NCKAP5: variants seen among roughly 807,000 people sequenced by gnomAD.
NCKAP5 encodes NCK associated protein 5.
Under a neutral mutation model 167.0 loss-of-function variants are expected in NCKAP5, and 92 were observed. That is an observed-to-expected ratio of 0.55 (90% CI 0.47 to 0.66). The LOEUF is 0.66. Among genes scored for constraint, NCKAP5 ranks in the 30% least tolerant of loss-of-function variants. The pLI is 0.00. For missense variants in NCKAP5, 2,378 were observed against 2,315.0 expected (o/e 1.03, Z -0.56); for synonymous variants, 891 against 877.4 (o/e 1.02, Z -0.27).
intron 2 of NCKAP5, among the ~76,000 whole-genome samples, chr2:133,545,662 CACTA>C (rs987494953): frequency 1.4e-4 from 21 of 152,066 alleles, no homozygotes; most frequent in Non-Finnish European, 1.8e-4. Context: ...CATTGGCACT[CACTA>C]ACTATGTATC....
intron 7 of NCKAP5, among the ~76,000 whole-genome samples, chr2:132,992,134 C>T (rs4953867): frequency 0.13 from 19,971 of 152,074 alleles, 2,494 homozygotes; most frequent in African/African-American, 0.32. Flanking sequence ...TCCCATTTTA[C>T]AGATAAGGAG....
At chr2:132,889,427 C>T (rs1328833358) in intron 8 of NCKAP5, among the ~76,000 whole-genome samples, 4 of 151,962 alleles carry the variant, frequency 2.6e-5, no homozygotes, top group Non-Finnish European at 5.9e-5. Context: ...AGGAGCTATG[C>T]TGGGGGAAAA....
At chr2:132,965,904 T>TTG (rs60589235) in intron 7 of NCKAP5, among the ~76,000 whole-genome samples, 17,932 of 140,864 alleles carry the variant, frequency 0.13, 1,356 homozygotes, top group Admixed American at 0.23. Context: ...ACATGACTCT[T>TTG]TGTGTGTGTG....
At chr2:133,616,331 A>G in the NCKAP5 span, among the ~76,000 whole-genome samples, 3 of 151,846 alleles carry the variant, frequency 2.0e-5, no homozygotes, top group Non-Finnish European at 4.4e-5. Context: ...TAGAGACACA[A>G]AAAACCCTTC....
chr2:133,354,696 A>C (rs548357606), intron 3 of NCKAP5, among the ~76,000 whole-genome samples: 1 of 152,340 alleles, frequency 6.6e-6, no homozygotes, highest in Admixed American at 6.5e-5. Context: ...AAATATATTT[A>C]CTTCTATTTT....
intron 5 of NCKAP5, among the ~76,000 whole-genome samples, chr2:133,133,927 T>C (rs1162891557): frequency 1.3e-5 from 2 of 152,224 alleles, no homozygotes; most frequent in Non-Finnish European, 2.9e-5. Flanking sequence ...TCCCACTTTT[T>C]TCCCCTACTA....
At chr2:133,116,578 T>C (rs996470765) in intron 6 of NCKAP5, among the ~76,000 whole-genome samples, 22 of 150,950 alleles carry the variant, frequency 1.5e-4, no homozygotes, top group Admixed American at 6.6e-4. Context: ...TGATATATTC[T>C]CAAAGACACT....
intron 19 of NCKAP5, among the ~76,000 whole-genome samples, chr2:132,698,082 G>A (rs1055605498): frequency 1.3e-5 from 2 of 152,146 alleles, no homozygotes; most frequent in African/African-American, 2.4e-5. Context: ...ATGCTAATGG[G>A]TTATGCAGAC....
chr2:133,559,960 T>A (rs746872552), intron 1 of NCKAP5, among the ~76,000 whole-genome samples: 88 of 152,180 alleles, frequency 5.8e-4, no homozygotes, highest in Admixed American at 1.7e-3. Context: ...TCTTCATCAA[T>A]AAGAAGATAA....
Position 132,915,371 on chromosome 2 carries a change from A to C in NCKAP5, c.580-36455T>G, listed in dbSNP as rs560259455. On this transcript the variant is annotated intron_variant, in intron 8 of 19. Coordinates refer to ENST00000409261, the MANE Select transcript of NCKAP5 (RefSeq NM_207363.3). ...GCTAAAGGGGATGAGGCTGTTTCCA[A>C]ACATGATTTGGGAACTGCTGCTCTA... is the stretch of plus-strand genomic sequence containing the variant. Among the ~76,000 whole-genome samples the C allele has an allele frequency of 2.6e-5, 4 of 152,220 alleles. No homozygotes were observed. The South Asian group carries it at 8.3e-4, about 32-fold the overall frequency.
At chr2:132,947,930 T>G (rs1697883182) in intron 8 of NCKAP5, among the ~76,000 whole-genome samples, 1 of 152,086 alleles carries the variant, frequency 6.6e-6, no homozygotes. Context: ...TTAACCCCAG[T>G]GCTGAGATAC....
In NCKAP5 at chr2:132,935,980, CTT is replaced by C. The variant is rs200071013; in HGVS notation, c.579+27738_579+27739del. ...AACTACCTTAAATAATATTTTTTTT[CTT>C]TTTTTTTTTTTTTCCTTGAGACAGA... On this transcript the variant is annotated intron_variant, in intron 8 of 19. Transcript: ENST00000409261. 4.4e-3 allele frequency among the ~76,000 whole-genome samples: 620 copies of C among 141,792 alleles called. 11 individuals are homozygous for C. In the East Asian group the frequency reaches 0.048, roughly 11 times the overall value. The allele number at this position is 141,792 out of a possible 152,430, so 93.0% of individuals were successfully genotyped here. A position where few individuals can be genotyped will look rare whatever the true frequency, so the allele number is the denominator to read the frequency against.
Position 132,673,176 on chromosome 2 carries a change from T to C in NCKAP5, c.*113A>G, listed in dbSNP as rs1468364770. The C allele has an allele frequency of 1.4e-6, 2 of 1,399,952 alleles. No homozygotes were observed. The highest frequency in any genetic ancestry group is 5.5e-5 in the East Asian group (2 of 36,040). 86.7% of individuals were successfully genotyped at this position (1,399,952 alleles called of 1,614,324 possible). On this transcript the variant is annotated 3_prime_UTR_variant, in exon 20 of 20. Coordinates refer to ENST00000409261, the MANE Select transcript of NCKAP5 (RefSeq NM_207363.3). ...TTTTCTTCCTTCTGTCCTTCAACCT[T>C]GTTCAGAGAGTTCTTCTCTTTTTCT...
intron 6 of NCKAP5, among the ~76,000 whole-genome samples, chr2:133,018,037 G>A (rs2078402166): frequency 6.6e-6 from 1 of 152,150 alleles, no homozygotes; most frequent in African/African-American, 2.4e-5. Flanking sequence ...TGACCTTGCA[G>A]GTCTTGATCT....
At chr2:133,358,604 G>A (rs972224632) in intron 3 of NCKAP5, among the ~76,000 whole-genome samples, 22 of 152,140 alleles carry the variant, frequency 1.4e-4, no homozygotes, top group Admixed American at 1.4e-3. Context: ...ACCGCACTGA[G>A]TATATAACAT....
At chr2:133,162,489 G>A (rs1316154890) in intron 5 of NCKAP5, among the ~76,000 whole-genome samples, 1 of 152,052 alleles carries the variant, frequency 6.6e-6, no homozygotes, top group African/African-American at 2.4e-5. Context: ...AAAAGAAGTT[G>A]AACATTTATT....
At chr2:132,713,990 C>T (rs918735737) in intron 19 of NCKAP5, among the ~76,000 whole-genome samples, 3 of 152,184 alleles carry the variant, frequency 2.0e-5, no homozygotes, top group African/African-American at 7.2e-5. Flanking sequence ...CTTCTCCCCA[C>T]CTGATCCAGC....
At chr2:132,908,191 A>AT (rs200766694) in intron 8 of NCKAP5, among the ~76,000 whole-genome samples, 95 of 149,288 alleles carry the variant, frequency 6.4e-4, no homozygotes, top group South Asian at 3.2e-3. Context: ...TACACAAAAC[A>AT]TTTTTTTTTT....
intron 3 of NCKAP5, among the ~76,000 whole-genome samples, chr2:133,326,969 G>A (rs538283943): frequency 1.5e-4 from 23 of 152,194 alleles, no homozygotes; most frequent in Non-Finnish European, 1.8e-4. Context: ...GCCAGCCTGG[G>A]AACCACATTC....
Sources: allele counts gnomAD v4.1 joint callset (sites outside exome capture counted in the v4.1 genomes callset), GRCh38; gene constraint gnomAD v4.1.1; transcripts MANE v1.5; gene names NCBI Gene and HGNC (gene_info 2026-07-23, HGNC 2026-07-21).